Variants in GRIN2B observed in about 807,000 individuals in gnomAD.
The protein encoded by GRIN2B is glutamate ionotropic receptor NMDA type subunit 2B.
A neutral mutation model predicts 114.5 loss-of-function variants in GRIN2B; 5 were observed. That is an observed-to-expected ratio of 0.04 (90% CI 0.02 to 0.09). The LOEUF (loss-of-function observed/expected upper bound fraction) is 0.09. GRIN2B is among the 10% of genes least tolerant of loss of function. The probability of loss-of-function intolerance (pLI) is 1.00; values close to 1 mark genes in which losing one functional copy is unlikely to be tolerated. For missense variants in GRIN2B, 1,108 were observed against 1,943.5 expected, an observed-to-expected ratio of 0.57 and a Z score of 8.08; for synonymous variants, 787 against 745.1, an observed-to-expected ratio of 1.06 and a Z score of -0.92.
chr12:13,612,145 T>C (rs931759973), intron 8 of GRIN2B, among the ~76,000 whole-genome samples: 7 of 152,318 alleles, frequency 4.6e-5, no homozygotes, highest in African/African-American at 1.7e-4. Flanking sequence ...AATGGTGCAA[T>C]TGGAAGAAGC....
intron 3 of GRIN2B, among the ~76,000 whole-genome samples, chr12:13,819,543 T>G (rs899082969): frequency 1.3e-5 from 2 of 152,156 alleles, no homozygotes; most frequent in Admixed American, 1.3e-4. Context: ...AATTTTCAGA[T>G]TTTGAAAAGG....
chr12:13,852,066 A>G (rs1012464004), intron 3 of GRIN2B, among the ~76,000 whole-genome samples: 13 of 152,214 alleles, frequency 8.5e-5, no homozygotes, highest in Non-Finnish European at 1.8e-4. Context: ...TCTGGATTAC[A>G]TGTTGCCAAG....
Position 13,945,014 on chromosome 12 carries a change from A to G in GRIN2B, c.-19+34914T>C, listed in dbSNP as rs566793125. Among the ~76,000 whole-genome samples the G allele has an allele frequency of 5.3e-5, 8 of 152,330 alleles. No individual in the cohort carries two copies. The South Asian group carries it at 1.4e-3, about 28-fold the overall frequency. On this transcript the variant is annotated intron_variant, in intron 2 of 13. Transcript: ENST00000609686. ...GTAAACCATGAGTTGTTTATCATAAATCACTTCTCAGATGGCTACAGCTAG... is the reference window on the plus strand; with the variant it reads ...GTAAACCATGAGTTGTTTATCATAAGTCACTTCTCAGATGGCTACAGCTAG...
At chr12:13,962,089 TACACACACAC>T (rs143658576) in intron 2 of GRIN2B, among the ~76,000 whole-genome samples, 14,878 of 145,316 alleles carry the variant, frequency 0.1, 1,510 homozygotes, top group East Asian at 0.42. Flanking sequence ...CTCTCATACA[TACACACACAC>T]ACACACACAC....
chr12:13,876,669 C>A (rs986289082), intron 2 of GRIN2B, among the ~76,000 whole-genome samples: 1 of 152,104 alleles, frequency 6.6e-6, no homozygotes. Context: ...AATAGTCACA[C>A]GTCAGATTTG....
chr12:13,614,903 G>T (rs149202127), intron 8 of GRIN2B, among the ~76,000 whole-genome samples: 56 of 152,280 alleles, frequency 3.7e-4, no homozygotes, highest in Middle Eastern at 3.4e-3. Context: ...TTCTTAGATG[G>T]CATTATGCTT....
Position 13,558,594 on chromosome 12 carries a change from T to G in GRIN2B, c.*4189A>C, listed in dbSNP as rs1948502022. ...TGATGGCCACGGAAGACCGGGTGAG[T>G]GATAGTCACTTAACTGTATAGACAA... On this transcript the variant is annotated 3_prime_UTR_variant, in exon 14 of 14. Coordinates refer to ENST00000609686, the MANE Select transcript of GRIN2B (RefSeq NM_000834.5). 1 of 151,748 alleles carries G rather than the reference T, an allele frequency of 6.6e-6. No homozygotes were observed. Among genetic ancestry groups the G allele is most frequent in the Non-Finnish European group, 1.5e-5 (1 of 67,988 alleles). The allele number at this position is 151,748 out of a possible 1,614,324, so 9.4% of individuals were successfully genotyped here.
At chr12:13,770,081 C>G (rs1591721126) in intron 3 of GRIN2B, among the ~76,000 whole-genome samples, 2 of 152,352 alleles carry the variant, frequency 1.3e-5, no homozygotes, top group Middle Eastern at 3.4e-3. Context: ...TTTCTCCTAT[C>G]TTGCTCTGCT....
intron 3 of GRIN2B, among the ~76,000 whole-genome samples, chr12:13,816,413 C>CT (rs1287790094): frequency 6.6e-6 from 1 of 152,126 alleles, no homozygotes; most frequent in Non-Finnish European, 1.5e-5. Context: ...TTTTGAACTC[C>CT]TTTTTTTCCC....
At chr12:13,791,300 A>G (rs941144906) in intron 3 of GRIN2B, among the ~76,000 whole-genome samples, 1 of 151,860 alleles carries the variant, frequency 6.6e-6, no homozygotes, top group African/African-American at 2.4e-5. Flanking sequence ...AAATACAAAA[A>G]AATTAACTGG....
intron 2 of GRIN2B, among the ~76,000 whole-genome samples, chr12:13,907,359 A>C (rs1451612768): frequency 1.3e-5 from 2 of 152,078 alleles, no homozygotes; most frequent in Non-Finnish European, 2.9e-5. Flanking sequence ...GCGTGGTGGC[A>C]CACACCTGTA....
Position 13,550,041 on chromosome 12 carries a change from G to GTTTTGGTTCAA in GRIN2B, c.*12741_*12742insTTGAACCAAAA, listed in dbSNP as rs1948391047. On this transcript the variant is annotated 3_prime_UTR_variant, in exon 14 of 14. Transcript: ENST00000609686. ...AGAAATTTGGACAAGTTTTGGTTCAGCCAAGTTTTGGTTCTGTCAAGAATT... is the reference window on the plus strand; with the variant it reads ...AGAAATTTGGACAAGTTTTGGTTCAGTTTTGGTTCAACCAAGTTTTGGTTCTGTCAAGAATT... The GTTTTGGTTCAA allele has an allele frequency of 3.3e-5, 5 of 152,294 alleles. No individual in the cohort carries two copies. The South Asian group carries it at 1.0e-3, about 32-fold the overall frequency. The allele number at this position is 152,294 out of a possible 1,614,324, so 9.4% of individuals were successfully genotyped here. A position where few individuals can be genotyped will look rare whatever the true frequency, so the allele number is the denominator to read the frequency against.
At chr12:13,669,162 T>G (rs968441081) in intron 5 of GRIN2B, among the ~76,000 whole-genome samples, 1 of 152,032 alleles carries the variant, frequency 6.6e-6, no homozygotes, top group Admixed American at 6.6e-5. Context: ...ACAGTTCCAG[T>G]ACTCAACACT....
chr12:13,956,577 G>A (rs1867595943), intron 2 of GRIN2B, among the ~76,000 whole-genome samples: 1 of 152,052 alleles, frequency 6.6e-6, no homozygotes, highest in South Asian at 2.1e-4. Context: ...TCCTCCAACT[G>A]TTCGTTCCGT....
At chr12:13,945,408 G>GTGTT (rs1867345583) in intron 2 of GRIN2B, among the ~76,000 whole-genome samples, 2 of 152,130 alleles carry the variant, frequency 1.3e-5, no homozygotes, top group East Asian at 3.9e-4. Flanking sequence ...ACACTGCAGG[G>GTGTT]TGTTACTGCT....
chr12:13,691,662 T>C (rs1950215984), intron 4 of GRIN2B, among the ~76,000 whole-genome samples: 1 of 152,084 alleles, frequency 6.6e-6, no homozygotes, highest in Non-Finnish European at 1.5e-5. Context: ...TTTGATGTCT[T>C]CAATTACAAA....
chr12:13,606,952 A>G (rs1949259014), intron 10 of GRIN2B, among the ~76,000 whole-genome samples: 1 of 151,172 alleles, frequency 6.6e-6, no homozygotes, highest in African/African-American at 2.4e-5. Flanking sequence ...AGAATAAAGC[A>G]AAAAGGAAGA....
At chr12:13,763,660 C>G (rs1275880726) in intron 3 of GRIN2B, among the ~76,000 whole-genome samples, 1 of 152,164 alleles carries the variant, frequency 6.6e-6, no homozygotes, top group Non-Finnish European at 1.5e-5. Context: ...CCCACACTAG[C>G]CTGAATCCCA....
chr12:13,833,830 C>G (rs12823010), intron 3 of GRIN2B, among the ~76,000 whole-genome samples: 1 of 151,988 alleles, frequency 6.6e-6, no homozygotes, highest in South Asian at 2.1e-4. Context: ...ATCACAGGTC[C>G]TTCCTACTAC....
Sources: gnomAD v4.1 joint callset for allele counts (sites outside exome capture counted in the v4.1 genomes callset) on GRCh38, gnomAD v4.1.1 for gene constraint, MANE v1.5 for transcripts, NCBI Gene and HGNC (gene_info 2026-07-23, HGNC 2026-07-21) for gene names.